Variants in LAMA4 observed in about 807,000 individuals in gnomAD.
LAMA4 encodes laminin subunit alpha-4.
A neutral mutation model predicts 207.1 loss-of-function variants in LAMA4; 127 were observed. The ratio of observed to expected loss-of-function variants is 0.61; its 90% CI spans 0.53 to 0.71. LAMA4 has a LOEUF of 0.71. LAMA4 is among the 30% of genes least tolerant of loss of function. LAMA4 has a pLI of 0.00. For missense variants in LAMA4, 2,093 were observed against 2,246.5 expected (o/e 0.93, Z 1.38); for synonymous variants, 761 against 816.0 (o/e 0.93, Z 1.15).
chr6:112,130,056 G>T lies in LAMA4; in HGVS notation c.3969-16C>A, dbSNP rs1056662211. 1.9e-6 allele frequency: 3 copies of T among 1,609,882 alleles called. No individual in the cohort carries two copies. Among genetic ancestry groups the T allele is most frequent in the African/African-American group, 1.3e-5 (1 of 74,894 alleles). ...CAGTTCATATCTGCAAAAGAAAAAG[G>T]CTTCTTTACATACCACAGAGCTAGC... is the stretch of plus-strand genomic sequence containing the variant. On this transcript the variant is annotated splice_polypyrimidine_tract_variant and intron_variant, in intron 29 of 38. Transcript: ENST00000230538.
intron 2 of LAMA4, chr6:112,253,692 G>A: frequency 3.2e-6 from 5 of 1,546,890 alleles, no homozygotes; most frequent in Non-Finnish European, 4.5e-6. Context: ...TGAGAGTCTA[G>A]CGGATGAACT....
intron 5 of LAMA4, among the ~76,000 whole-genome samples, chr6:112,195,871 G>A (rs1200220234): frequency 6.6e-6 from 1 of 151,970 alleles, no homozygotes; most frequent in Non-Finnish European, 1.5e-5. Context: ...ACCCAATTGT[G>A]TGATGTTAGA....
intron 24 of LAMA4, among the ~76,000 whole-genome samples, chr6:112,138,259 C>A (rs1305574400): frequency 2.0e-5 from 3 of 152,074 alleles, no homozygotes; most frequent in Non-Finnish European, 2.9e-5. Flanking sequence ...CAAAGACAAC[C>A]TTTGCCACTT....
At position 112,117,948 on chromosome 6, in the gene LAMA4, C is replaced by A; in HGVS notation, c.4822-50G>T. 1.9e-6 allele frequency: 3 copies of A among 1,554,520 alleles called. No homozygotes were observed. The highest frequency in any genetic ancestry group is 2.7e-6 in the Non-Finnish European group (3 of 1,128,228). ...AATCAATTTTCTCAACACAAATGCACCAAGGGGAAGCAAAATGAGGGGGTT... is the reference window on the plus strand; with the variant it reads ...AATCAATTTTCTCAACACAAATGCAACAAGGGGAAGCAAAATGAGGGGGTT... On this transcript the variant is annotated intron_variant, in intron 34 of 38. Coordinates refer to ENST00000230538, the MANE Select transcript of LAMA4 (RefSeq NM_001105206.3). This position sits in a 1 kb window ranked among gnomAD's most constrained non-coding sequence, Gnocchi z 4.5.
chr6:112,230,435 A>C (rs1294953990), intron 2 of LAMA4, among the ~76,000 whole-genome samples: 1 of 152,198 alleles, frequency 6.6e-6, no homozygotes, highest in Non-Finnish European at 1.5e-5. Context: ...CCTTGCCCAG[A>C]TTATTTAACT....
At chr6:112,141,933 C>T (rs1463202784) in intron 20 of LAMA4, among the ~76,000 whole-genome samples, 186 bp downstream of exon 20, 2 of 152,150 alleles carry the variant, frequency 1.3e-5, no homozygotes, top group Non-Finnish European at 2.9e-5. Context: ...CCCACAATAT[C>T]CCACACAGAG....
Position 112,172,717 on chromosome 6 carries a change from T to C in LAMA4, c.1445A>G (p.Asn482Ser), listed in dbSNP as rs924678750. 3 of 1,613,820 alleles carry C rather than the reference T, an allele frequency of 1.9e-6. No individual in the cohort carries two copies. In the African/African-American group the frequency reaches 4.0e-5, roughly 22 times the overall value. The part of the protein sequence containing the change: ...PVVLEQLDDY[N>S]AKLSDLQEAL... Reference sequence around the variant, plus strand: ...TTCCTGGAGATCTGACAACTTAGCATTGTAGTCATCCAGCTGCTCCAGGAC... The same window carrying C: ...TTCCTGGAGATCTGACAACTTAGCACTGTAGTCATCCAGCTGCTCCAGGAC... The change falls in exon 12 of 39, where the codon AAT becomes AGT. Residue 482 changes from asparagine (N) to serine (S), a missense_variant. Asn to Ser is a conservative substitution (Grantham distance 46, BLOSUM62 1). Coordinates refer to ENST00000230538, the MANE Select transcript of LAMA4 (RefSeq NM_001105206.3).
intron 2 of LAMA4, among the ~76,000 whole-genome samples, chr6:112,246,614 G>A (rs1340326827): frequency 6.7e-6 from 1 of 149,268 alleles, no homozygotes; most frequent in Admixed American, 6.7e-5. Flanking sequence ...TCCGCCTCCC[G>A]AGTTCAAGGA....
intron 5 of LAMA4, among the ~76,000 whole-genome samples, chr6:112,198,890 G>A (rs1554351310): frequency 1.3e-5 from 2 of 152,166 alleles, no homozygotes; most frequent in African/African-American, 4.8e-5. Flanking sequence ...ACAGTTTTAT[G>A]AGACAGGTAA....
Position 112,134,554 on chromosome 6 carries a change from T to A in LAMA4, c.3470A>T (p.His1157Leu), listed in dbSNP as rs1554330891. 3 of 1,610,322 alleles carry A rather than the reference T, an allele frequency of 1.9e-6. No individual in the cohort carries two copies. The highest frequency in any genetic ancestry group is 2.5e-6 in the Non-Finnish European group (3 of 1,176,814). Reference protein sequence around the residue: ...KKMILVVDRRHVKSMDNEKMK... With the variant: ...KKMILVVDRRLVKSMDNEKMK... ...CTTTTCATTATCCATGCTCTTGACA[T>A]GCCTTCTGTCAACTACCAAGATCAT... Residue 1157 changes from histidine (H) to leucine (L), a missense_variant, in exon 26 of 39, where the codon CAT becomes CTT. Around this residue, in one of 3 missense-constraint regions of LAMA4, gnomAD observed 1,704 missense variants for 1,788.4 expected, o/e 0.95. Coordinates refer to ENST00000230538, the MANE Select transcript of LAMA4 (RefSeq NM_001105206.3).
chr6:112,118,897 A>C lies in LAMA4; in HGVS notation c.4821+259T>G, dbSNP rs941067832. Among the ~76,000 whole-genome samples the C allele has an allele frequency of 6.6e-6, 1 of 152,136 alleles. No individual in the cohort carries two copies. Among genetic ancestry groups the C allele is most frequent in the Non-Finnish European group, 1.5e-5 (1 of 68,024 alleles). Reference sequence around the variant, plus strand: ...ACAAATAAGATCTCCTTGAGACATAAATTTTCATGATAATTTATGCCTCTG... The same window carrying C: ...ACAAATAAGATCTCCTTGAGACATACATTTTCATGATAATTTATGCCTCTG... On this transcript the variant is annotated intron_variant, in intron 34 of 38. Coordinates refer to ENST00000230538, the MANE Select transcript of LAMA4 (RefSeq NM_001105206.3). This position sits in a 1 kb window ranked among gnomAD's most constrained non-coding sequence, Gnocchi z 4.6.
At chr6:112,143,394 C>A (rs979065580) in intron 19 of LAMA4, among the ~76,000 whole-genome samples, 2 of 151,296 alleles carry the variant, frequency 1.3e-5, no homozygotes, top group Non-Finnish European at 2.9e-5. Flanking sequence ...AAACAATGCT[C>A]GTGCCTCAGC....
At chr6:112,183,164 T>C (rs1445539954) in intron 9 of LAMA4, among the ~76,000 whole-genome samples, 1 of 152,242 alleles carries the variant, frequency 6.6e-6, no homozygotes, top group Non-Finnish European at 1.5e-5. Flanking sequence ...CACAATGAAC[T>C]CCTTTACTCT....
At position 112,246,613 on chromosome 6, in the gene LAMA4, C is replaced by T. The variant is rs184227063; in HGVS notation, c.195+7343G>A. On this transcript the variant is annotated intron_variant, in intron 2 of 38. Coordinates refer to ENST00000230538, the MANE Select transcript of LAMA4 (RefSeq NM_001105206.3). ...TCCGCTCACTGCAACCTCCGCCTCC[C>T]GAGTTCAAGGAATTCTCTGCTTCAG... is the stretch of plus-strand genomic sequence containing the variant. 7.9e-4 allele frequency among the ~76,000 whole-genome samples: 120 copies of T among 151,960 alleles called. 3 individuals are homozygous for T. The East Asian group carries it at 0.018, about 23-fold the overall frequency.
chr6:112,172,850 C>G (rs202099574), intron 11 of LAMA4, 46 bp from the exon 12 acceptor site: 1 of 1,521,734 alleles, frequency 6.6e-7, no homozygotes, highest in Non-Finnish European at 9.1e-7. Flanking sequence ...TTCTCCTGTT[C>G]GCTTCCATTC....
rs782120962 is a variant in LAMA4, at chr6:112,254,222, T to C, written c.-72A>G. ...GGGTCTCCGTAGGTCTCCCGCGTGG[T>C]GCGGCGGTGCCTCGCTTATTTTCCC... On this transcript the variant is annotated 5_prime_UTR_variant, in exon 2 of 39. Transcript: ENST00000230538. 2.5e-6 allele frequency: 4 copies of C among 1,592,264 alleles called. No individual in the cohort carries two copies. The highest frequency in any genetic ancestry group is 3.4e-6 in the Non-Finnish European group (4 of 1,166,492).
chr6:112,147,705 A>G (rs13197881), intron 18 of LAMA4, among the ~76,000 whole-genome samples: 46,403 of 152,140 alleles, frequency 0.31, 7,620 homozygotes, highest in African/African-American at 0.43. Flanking sequence ...ATGTTTGGCC[A>G]TATTCAGTAC....
chr6:112,217,502 G>T (rs892498105), intron 2 of LAMA4: 1 of 151,960 alleles, frequency 6.6e-6, no homozygotes, highest in African/African-American at 2.4e-5. Context: ...CTTCCCTGGC[G>T]ACCAGGAAAT....
At chr6:112,209,416 C>T (rs1344756444) in intron 3 of LAMA4, among the ~76,000 whole-genome samples, 3 of 152,182 alleles carry the variant, frequency 2.0e-5, no homozygotes, top group African/African-American at 7.2e-5. Flanking sequence ...CCCTCAAAAG[C>T]AAAGCCACCA....
Sources: allele counts gnomAD v4.1 joint callset (sites outside exome capture counted in the v4.1 genomes callset), GRCh38; gene constraint gnomAD v4.1.1; regional missense constraint gnomAD v4.1.1; non-coding constraint Gnocchi (gnomAD v3.1); transcripts MANE v1.5; gene names NCBI Gene and HGNC (gene_info 2026-07-23, HGNC 2026-07-21).